Variants in RRAS2 observed in about 807,000 individuals in gnomAD.
RRAS2 encodes the protein ras-related protein R-Ras2.
In RRAS2, 7 loss-of-function variants were observed where a neutral mutation model predicts 27.6. The ratio of observed to expected loss-of-function variants is 0.25; its 90% CI spans 0.14 to 0.48. The LOEUF (loss-of-function observed/expected upper bound fraction) is 0.48. RRAS2 is among the 20% of genes least tolerant of loss of function. The probability of loss-of-function intolerance (pLI) is 0.99; values close to 1 mark genes in which losing one functional copy is unlikely to be tolerated. For synonymous variants in RRAS2, 86 were observed against 90.9 expected (o/e 0.95, Z 0.31); for missense variants, 178 against 256.2 (o/e 0.69, Z 2.08).
intron 5 of RRAS2, among the ~76,000 whole-genome samples, chr11:14,280,650 C>T (rs1554944165): frequency 2.2e-5 from 3 of 133,938 alleles, no homozygotes; most frequent in African/African-American, 8.5e-5. Context: ...TGCTTGAACC[C>T]AGGAGGCGGA....
chr11:14,342,326 CT>C (rs1848728944), intron 1 of RRAS2, among the ~76,000 whole-genome samples: 1 of 152,346 alleles, frequency 6.6e-6, no homozygotes, highest in Non-Finnish European at 1.5e-5. Flanking sequence ...TCGCTTTTTA[CT>C]TGCTACAGGA....
rs558851128 is a variant in RRAS2, at chr11:14,356,350, C to T, written c.108+2413G>A. On this transcript the variant is annotated intron_variant, in intron 1 of 5. Coordinates refer to ENST00000256196, the MANE Select transcript of RRAS2 (RefSeq NM_012250.6). ...TCCCCACCACCAAGCCTACATAATG[C>T]TTTCATCAATTTTTTCCACAGACTT... Among the ~76,000 whole-genome samples, 30 of 152,304 alleles carry T rather than the reference C, an allele frequency of 2.0e-4. No individual in the cohort carries two copies. The South Asian group carries it at 6.2e-3, about 32-fold the overall frequency.
chr11:14,279,221 G>T lies in RRAS2; in HGVS notation c.*116C>A. On this transcript the variant is annotated 3_prime_UTR_variant, in exon 6 of 6. Coordinates refer to ENST00000256196, the MANE Select transcript of RRAS2 (RefSeq NM_012250.6). The stretch of plus-strand genomic sequence containing the variant: ...GGACTAGCCAGCTTCTTCGTCTAAG[G>T]CTAACATGGTGATCATTTGTCTAAG... The T allele has an allele frequency of 1.3e-6, 1 of 764,042 alleles. No homozygotes were observed. The highest frequency in any genetic ancestry group is 1.6e-5 in the South Asian group (1 of 63,504). The allele number at this position is 764,042 out of a possible 1,614,324, so 47.3% of individuals were successfully genotyped here. A position where few individuals can be genotyped will look rare whatever the true frequency, so the allele number is the denominator to read the frequency against.
intron 1 of RRAS2, among the ~76,000 whole-genome samples, chr11:14,347,356 T>C (rs935567125): frequency 1.3e-5 from 2 of 152,114 alleles, no homozygotes; most frequent in Admixed American, 6.5e-5. Context: ...ATTTTTGAAA[T>C]CTTTTAAAAA....
chr11:14,337,791 TGTACA>T, intron 1 of RRAS2, among the ~76,000 whole-genome samples: 1 of 152,272 alleles, frequency 6.6e-6, no homozygotes, highest in African/African-American at 2.4e-5. Flanking sequence ...CAGAATCTTA[TGTACA>T]GTAAATTTTT....
At chr11:14,346,811 C>A (rs1848842794) in intron 1 of RRAS2, among the ~76,000 whole-genome samples, 1 of 152,074 alleles carries the variant, frequency 6.6e-6, no homozygotes, top group Non-Finnish European at 1.5e-5. Context: ...ATATATACTT[C>A]AAAACACCCT....
intron 1 of RRAS2, among the ~76,000 whole-genome samples, chr11:14,356,039 T>C (rs1467824909): frequency 6.6e-6 from 1 of 152,170 alleles, no homozygotes; most frequent in Non-Finnish European, 1.5e-5. Context: ...CCTTGACATG[T>C]TAACTCATTT....
chr11:14,313,382 A>T (rs1385634594), intron 1 of RRAS2, among the ~76,000 whole-genome samples: 1 of 152,224 alleles, frequency 6.6e-6, no homozygotes, highest in Non-Finnish European at 1.5e-5. Context: ...CAGATTCTAT[A>T]GCTATTATTG....
At chr11:14,285,110 T>C (rs782443623) in intron 4 of RRAS2, among the ~76,000 whole-genome samples, 1 of 152,254 alleles carries the variant, frequency 6.6e-6, no homozygotes, top group Non-Finnish European at 1.5e-5. Flanking sequence ...CTGAGTTGTT[T>C]TTATGATTGC....
chr11:14,333,035 T>C (rs1554952127), intron 1 of RRAS2, among the ~76,000 whole-genome samples: 1 of 152,196 alleles, frequency 6.6e-6, no homozygotes, highest in East Asian at 1.9e-4. Flanking sequence ...TCAATTTCTA[T>C]TTCTTCCCAT....
intron 1 of RRAS2, among the ~76,000 whole-genome samples, chr11:14,354,672 CTTTTT>C (rs35556947): frequency 1.8e-5 from 2 of 110,416 alleles, no homozygotes; most frequent in African/African-American, 7.0e-5. Context: ...GTAACAATTT[CTTTTT>C]TTTTTTTTTT....
intron 4 of RRAS2, among the ~76,000 whole-genome samples, chr11:14,288,950 ATACTTAT>A (rs1554945433): frequency 6.6e-6 from 1 of 152,224 alleles, no homozygotes; most frequent in African/African-American, 2.4e-5. Flanking sequence ...CACCCAACAA[ATACTTAT>A]TTAGTGCATA....
chr11:14,357,064 G>A (rs1334499082), intron 1 of RRAS2, among the ~76,000 whole-genome samples: 1 of 152,064 alleles, frequency 6.6e-6, no homozygotes, highest in East Asian at 1.9e-4. Context: ...GGGATTACAG[G>A]TGTGAGCCAC....
In RRAS2 at chr11:14,358,448, A is replaced by G; in HGVS notation, c.108+315T>C. 1 of 985,312 alleles carries G rather than the reference A, an allele frequency of 1.0e-6. No homozygotes were observed. The allele number at this position is 985,312 out of a possible 1,614,324, so 61.0% of individuals were successfully genotyped here. ...GCAGTAAAGCCCGGCTCGGTGGCCC[A>G]GCCTCTCCCGGAGGTCTCTGGCCTC... On this transcript the variant is annotated intron_variant, in intron 1 of 5. Transcript: ENST00000256196. The surrounding 1 kb of genome is among the most constrained non-coding windows in gnomAD (Gnocchi z 5.1).
intron 4 of RRAS2, among the ~76,000 whole-genome samples, chr11:14,289,871 A>T (rs1849762597): frequency 6.6e-6 from 1 of 152,156 alleles, no homozygotes; most frequent in African/African-American, 2.4e-5. Context: ...TCAAAGAACA[A>T]GGAGAAATGG....
At chr11:14,302,473 G>GT (rs1198347967) in intron 1 of RRAS2, among the ~76,000 whole-genome samples, 9 of 152,182 alleles carry the variant, frequency 5.9e-5, no homozygotes, top group Admixed American at 5.9e-4. Context: ...CTTGCTAGCT[G>GT]TTTGAGTCCT....
At chr11:14,288,460 G>A (rs1211089760) in intron 4 of RRAS2, among the ~76,000 whole-genome samples, 2 of 152,094 alleles carry the variant, frequency 1.3e-5, no homozygotes, top group Non-Finnish European at 2.9e-5. Context: ...AAGACAAAAA[G>A]GACAACATAC....
chr11:14,325,177 C>T (rs1208347265), intron 1 of RRAS2, among the ~76,000 whole-genome samples: 1 of 152,186 alleles, frequency 6.6e-6, no homozygotes, highest in Non-Finnish European at 1.5e-5. Flanking sequence ...TGATGTGAAG[C>T]CTTGCTTCAC....
rs533973290 is a variant in RRAS2, at chr11:14,333,660, T to C, written c.108+25103A>G. 1.2e-4 allele frequency among the ~76,000 whole-genome samples: 18 copies of C among 151,886 alleles called. No homozygotes were observed. The South Asian group carries it at 3.8e-3, about 32-fold the overall frequency. ...CCCCACCCCCACCCTGCCCCTTTTT[T>C]TTTGGAGACAGGTCTCTGTCGCCCA... On this transcript the variant is annotated intron_variant, in intron 1 of 5. Coordinates refer to ENST00000256196, the MANE Select transcript of RRAS2 (RefSeq NM_012250.6).
Sources: allele counts gnomAD v4.1 joint callset (sites outside exome capture counted in the v4.1 genomes callset), GRCh38; gene constraint gnomAD v4.1.1; non-coding constraint Gnocchi (gnomAD v3.1); transcripts MANE v1.5; gene names NCBI Gene and HGNC (gene_info 2026-07-23, HGNC 2026-07-21).